The following ADORA2A variants were observed in gnomAD, a reference collection of about 807,000 sequenced individuals.
ADORA2A encodes the protein adenosine receptor A2a.
A neutral mutation model predicts 18.4 loss-of-function variants in ADORA2A; 11 were observed. The ratio of observed to expected loss-of-function variants is 0.60; its 90% CI spans 0.38 to 0.99. The LOEUF (loss-of-function observed/expected upper bound fraction) is 0.99, where lower values mean the gene tolerates loss of function less well. Ranked by LOEUF, ADORA2A falls within the 50% of genes least tolerant of loss-of-function variation. The pLI, the probability that ADORA2A is intolerant of heterozygous loss-of-function variation, is 0.01. For synonymous variants in ADORA2A, 218 were observed against 237.3 expected (o/e 0.92, Z 0.75); for missense variants, 449 against 556.1 (o/e 0.81, Z 1.94).
At chr22:24,435,975 A>G (rs2043164093) in intron 2 of ADORA2A, among the ~76,000 whole-genome samples, 1 of 152,236 alleles carries the variant, frequency 6.6e-6, no homozygotes, top group Admixed American at 6.5e-5. Context: ...ATGTCAGCTC[A>G]GCATCTCCTG....
At chr22:24,427,447 C>G (rs1392407107), upstream of ADORA2A, 1 of 152,326 alleles carries the variant, frequency 6.6e-6, no homozygotes, top group Non-Finnish European at 1.5e-5. Context: ...GCTCTGTGTC[C>G]GCGGGGCCAT....
chr22:24,429,135 T>C (rs1243093411), intron 1 of ADORA2A: 1 of 152,286 alleles, frequency 6.6e-6, no homozygotes, highest in Non-Finnish European at 1.5e-5. Context: ...CTGGGGGGTA[T>C]AGCCACCATC....
At chr22:24,440,495 G>A in intron 2 of ADORA2A, 88 bp from the exon 3 acceptor site, 1 of 1,324,698 alleles carries the variant, frequency 7.5e-7, no homozygotes, top group Non-Finnish European at 1.0e-6. Flanking sequence ...CAGGAAATGT[G>A]GAAACGGGTG....
chr22:24,426,758 G>A (rs886064601), upstream of ADORA2A, among the ~76,000 whole-genome samples: 26 of 152,220 alleles, frequency 1.7e-4, no homozygotes, highest in Non-Finnish European at 2.2e-4. Flanking sequence ...GCTGCCCCTC[G>A]TCCCAGCACA....
intron 2 of ADORA2A, among the ~76,000 whole-genome samples, chr22:24,434,332 C>G (rs781780037): frequency 5.9e-5 from 9 of 152,350 alleles, no homozygotes; most frequent in African/African-American, 9.6e-5. Flanking sequence ...TGTTGCTCCT[C>G]AAGTCACCAA....
In ADORA2A at chr22:24,439,117, C is replaced by T. The variant is rs372848441; in HGVS notation, c.333-1466C>T. On this transcript the variant is annotated intron_variant, in intron 2 of 2. Coordinates refer to ENST00000337539, the MANE Select transcript of ADORA2A (RefSeq NM_000675.6). ...TTTTTTTTTTGGAGACTGAGTCTTG[C>T]TCTGTCTCCCAGGCTGGAGTGCAGT... 1.2e-3 allele frequency among the ~76,000 whole-genome samples: 127 copies of T among 103,564 alleles called. No individual in the cohort carries two copies. The East Asian group carries it at 0.032, about 26-fold the overall frequency. The allele number at this position is 103,564 out of a possible 152,430, so 67.9% of individuals were successfully genotyped here.
intron 1 of ADORA2A, chr22:24,430,886 T>C: frequency 2.8e-6 from 1 of 355,314 alleles, no homozygotes; most frequent in Non-Finnish European, 5.6e-6. Context: ...TGGGCCTCAC[T>C]GGACAGTCGC....
chr22:24,429,079 G>A (rs2042965535), intron 1 of ADORA2A: 1 of 152,396 alleles, frequency 6.6e-6, no homozygotes, highest in South Asian at 2.1e-4. Context: ...GAGCAGATGT[G>A]CAGGTCACTG....
intron 2 of ADORA2A, among the ~76,000 whole-genome samples, chr22:24,436,015 C>G (rs1281887912): frequency 6.6e-6 from 1 of 152,204 alleles, no homozygotes; most frequent in African/African-American, 2.4e-5. Flanking sequence ...TGTGGCCAGG[C>G]GGATGTTCTG....
chr22:24,431,469 A>C, intron 1 of ADORA2A: 1 of 456,772 alleles, frequency 2.2e-6, no homozygotes, highest in South Asian at 1.5e-5. Flanking sequence ...TCACATGGAC[A>C]ATGGGGTAGA....
upstream of ADORA2A, among the ~76,000 whole-genome samples, chr22:24,426,743 G>A (rs2042922837): frequency 6.6e-6 from 1 of 152,170 alleles, no homozygotes; most frequent in African/African-American, 2.4e-5. Context: ...AGGAGCAGCA[G>A]AGCAGCTGCC....
chr22:24,435,644 CCT>C (rs908729289), intron 2 of ADORA2A, among the ~76,000 whole-genome samples: 29 of 152,232 alleles, frequency 1.9e-4, no homozygotes, highest in African/African-American at 6.7e-4. Context: ...TCTCTCTGCC[CCT>C]CTGAGCTCAC....
intron 1 of ADORA2A, chr22:24,429,923 G>A (rs1344641085): frequency 6.6e-6 from 1 of 152,272 alleles, no homozygotes; most frequent in African/African-American, 2.4e-5. Context: ...CCCAGTTACG[G>A]TCCACGACAC....
chr22:24,425,505 C>T (rs906239764), upstream of ADORA2A, among the ~76,000 whole-genome samples: 14 of 152,256 alleles, frequency 9.2e-5, no homozygotes, highest in African/African-American at 3.4e-4. Flanking sequence ...CACTACCCCT[C>T]CATCCGTGTC....
chr22:24,437,407 T>G (rs1347347873), intron 2 of ADORA2A, among the ~76,000 whole-genome samples: 4 of 152,138 alleles, frequency 2.6e-5, no homozygotes, highest in African/African-American at 9.7e-5. Context: ...CAGGATATGC[T>G]GCTGGGCCTG....
upstream of ADORA2A, among the ~76,000 whole-genome samples, chr22:24,425,588 C>T (rs933017503): frequency 1.2e-4 from 19 of 152,234 alleles, no homozygotes; most frequent in African/African-American, 4.6e-4. Context: ...CCAGGGGCAG[C>T]CCAGTCACCT....
Position 24,441,464 on chromosome 22 carries a change from C to A in ADORA2A, c.1214C>A (p.Ala405Asp). Residue 405 changes from alanine to aspartate, a missense_variant, in exon 3 of 3, where the codon GCC becomes GAC. By Grantham distance (126) the Ala-to-Asp change is moderately radical. Transcript: ENST00000337539. ...CCCCCTGGCCTAGATGACCCCCTGG[C>A]CCAGGATGGAGCAGGAGTGTCCTGA... ...PEPPGLDDPL[A>D]QDGAGVS The A allele has an allele frequency of 6.6e-7, 1 of 1,518,072 alleles. No homozygotes were observed. The highest frequency in any genetic ancestry group is 8.8e-7 in the Non-Finnish European group (1 of 1,135,092). The allele number at this position is 1,518,072 out of a possible 1,614,324, so 94.0% of individuals were successfully genotyped here.
At chr22:24,437,480 G>A (rs2043209095) in intron 2 of ADORA2A, among the ~76,000 whole-genome samples, 1 of 152,106 alleles carries the variant, frequency 6.6e-6, no homozygotes, top group Admixed American at 6.5e-5. Flanking sequence ...GGGCACCAGG[G>A]TCCAGGGCTC....
upstream of ADORA2A, among the ~76,000 whole-genome samples, chr22:24,426,026 G>T (rs1298006439): frequency 6.6e-6 from 1 of 152,216 alleles, no homozygotes; most frequent in Non-Finnish European, 1.5e-5. Flanking sequence ...ACACCACAGG[G>T]ATTGCTGTTG....
Sources: gnomAD v4.1 joint callset for allele counts (sites outside exome capture counted in the v4.1 genomes callset) on GRCh38, gnomAD v4.1.1 for gene constraint, MANE v1.5 for transcripts, NCBI Gene and HGNC (gene_info 2026-07-23, HGNC 2026-07-21) for gene names.